The following VPS50 variants were observed in gnomAD, a reference collection of about 807,000 sequenced individuals.
VPS50 encodes VPS50 subunit of EARP/GARPII complex.
A neutral mutation model predicts 139.7 loss-of-function variants in VPS50; 70 were observed. The observed-to-expected ratio is 0.50, with a 90% confidence interval of 0.41 to 0.61. VPS50 has a LOEUF of 0.61. VPS50 is among the 20% of genes least tolerant of loss of function. VPS50 has a pLI of 0.00. For missense variants in VPS50, 921 were observed against 1,133.7 expected (o/e 0.81, Z 2.69); for synonymous variants, 365 against 376.7 (o/e 0.97, Z 0.36).
chr7:93,320,204 A>C (rs1462243190), intron 20 of VPS50, among the ~76,000 whole-genome samples: 2 of 152,140 alleles, frequency 1.3e-5, no homozygotes, highest in Admixed American at 6.5e-5. Flanking sequence ...AATATAGGAA[A>C]GGGCTTGGGT....
At position 93,326,972 on chromosome 7, in the gene VPS50, A is replaced by G. The variant is rs1362580480; in HGVS notation, c.1977+3240A>G. Among the ~76,000 whole-genome samples, 5 of 152,290 alleles carry G rather than the reference A, an allele frequency of 3.3e-5. No homozygotes were observed. The East Asian group carries it at 7.7e-4, about 23-fold the overall frequency. ...ATATGACCAGTGACAAAATGTTGCT[A>G]CAGAATTTATATACTATAAAGTATG... On this transcript the variant is annotated intron_variant, in intron 21 of 27. Transcript: ENST00000305866.
intron 12 of VPS50, among the ~76,000 whole-genome samples, chr7:93,286,586 T>C (rs1464295644): frequency 6.6e-6 from 1 of 152,122 alleles, no homozygotes; most frequent in African/African-American, 2.4e-5. Flanking sequence ...TTAATTTAGG[T>C]CTCTTTCCAT....
chr7:93,305,381 T>A (rs1797085746), intron 17 of VPS50, among the ~76,000 whole-genome samples: 1 of 151,996 alleles, frequency 6.6e-6, no homozygotes, highest in Admixed American at 6.6e-5. Context: ...AGATATGTAC[T>A]TCATACTTTA....
intron 22 of VPS50, among the ~76,000 whole-genome samples, chr7:93,335,170 G>T (rs909360883): frequency 7.9e-5 from 12 of 152,132 alleles, no homozygotes. Context: ...TTGGAGCAGA[G>T]AGACAAACAA....
At chr7:93,236,005 T>C (rs1379731974) in intron 1 of VPS50, among the ~76,000 whole-genome samples, 2 of 152,198 alleles carry the variant, frequency 1.3e-5, no homozygotes, top group African/African-American at 4.8e-5. Flanking sequence ...AATGAGAACA[T>C]GCAGCTTGTG....
intron 23 of VPS50, among the ~76,000 whole-genome samples, chr7:93,346,224 A>G (rs1172605326): frequency 6.6e-6 from 1 of 152,232 alleles, no homozygotes; most frequent in African/African-American, 2.4e-5. Flanking sequence ...CCCATTCACA[A>G]TTGCTTCAAA....
intron 25 of VPS50, among the ~76,000 whole-genome samples, chr7:93,352,245 CATAA>C (rs537014421): frequency 5.4e-4 from 82 of 152,152 alleles, no homozygotes; most frequent in African/African-American, 1.9e-3. Context: ...TTAAGGAATG[CATAA>C]ATAAATACAG....
In VPS50 at chr7:93,325,714, C is replaced by T. The variant is rs1488593370; in HGVS notation, c.1977+1982C>T. 1.2e-4 allele frequency among the ~76,000 whole-genome samples: 18 copies of T among 152,006 alleles called. No homozygotes were observed. The East Asian group carries it at 3.3e-3, about 28-fold the overall frequency. On this transcript the variant is annotated intron_variant, in intron 21 of 27. Transcript: ENST00000305866. ...TGAAAAAATGCTCACCATCACTGGA[C>T]ATCAGAGAAATGCAAATCAAAACCA... is the stretch of plus-strand genomic sequence containing the variant.
At chr7:93,318,088 A>G (rs962475098) in intron 20 of VPS50, among the ~76,000 whole-genome samples, 4 of 150,926 alleles carry the variant, frequency 2.7e-5, no homozygotes, top group Non-Finnish European at 5.9e-5. Flanking sequence ...TATATAATAC[A>G]TACTATATGT....
intron 17 of VPS50, among the ~76,000 whole-genome samples, chr7:93,304,073 A>G (rs938408855): frequency 2.0e-5 from 3 of 151,880 alleles, no homozygotes; most frequent in Non-Finnish European, 4.4e-5. Context: ...TAGTTAATCA[A>G]TTCCTGGAAT....
rs755562223 is a variant in VPS50 at position 93,296,773 on chromosome 7, T to C, written c.1199T>C (p.Leu400Pro). ...DVQLKVKTYL[L>P]GTDLSIFKYD... ...CAGCTAAAAGTAAAAACCTACTTGC[T>C]TGGAACTGATTTGTCTATATTCAAA... Residue 400 changes from leucine to proline, a missense_variant, in exon 15 of 28, where the codon CTT becomes CCT. Leu to Pro is a moderately conservative substitution (Grantham distance 98, BLOSUM62 -3). Coordinates refer to ENST00000305866, the MANE Select transcript of VPS50 (RefSeq NM_017667.4). The C allele has an allele frequency of 6.2e-7, 1 of 1,605,642 alleles. No homozygotes were observed. The highest frequency in any genetic ancestry group is 8.5e-7 in the Non-Finnish European group (1 of 1,178,400).
In VPS50 at chr7:93,258,200, T is replaced by G. The variant is rs755382830; in HGVS notation, c.464T>G (p.Leu155Ter). 6.3e-7 allele frequency: 1 copy of G among 1,594,208 alleles called. No homozygotes were observed. Among genetic ancestry groups the G allele is most frequent in the South Asian group, 1.1e-5 (1 of 90,610 alleles). ...AAGGAAGGTTTTACTCAAGCTAGTTTAGGCCTTCTTGCAAATCAAAGGAAA... is the reference window on the plus strand; with the variant it reads ...AAGGAAGGTTTTACTCAAGCTAGTTGAGGCCTTCTTGCAAATCAAAGGAAA... ...IAKEGFTQASLGLLANQRKRQ... is the reference protein window; with the variant it reads ...IAKEGFTQAS The change falls in exon 7 of 28, where the codon TTA becomes TGA. Residue 155 changes from leucine to a stop codon, truncating the protein, a stop_gained. Transcript: ENST00000305866. LOFTEE classifies it high-confidence loss of function.
At chr7:93,314,972 C>A (rs1297023809) in intron 20 of VPS50, among the ~76,000 whole-genome samples, 1 of 152,102 alleles carries the variant, frequency 6.6e-6, no homozygotes, top group African/African-American at 2.4e-5. Context: ...AATTAAAATA[C>A]CCCAAGGTAT....
chr7:93,269,767 C>CT (rs3839836), intron 9 of VPS50, among the ~76,000 whole-genome samples: 23,212 of 152,004 alleles, frequency 0.15, 2,916 homozygotes, highest in East Asian at 0.4. Flanking sequence ...AAAATTTTCT[C>CT]TCAGAACTTA....
chr7:93,283,382 C>G (rs1200678173), intron 12 of VPS50, among the ~76,000 whole-genome samples: 1 of 151,822 alleles, frequency 6.6e-6, no homozygotes, highest in Non-Finnish European at 1.5e-5. Context: ...GATTACAGCT[C>G]CCACCACCAC....
intron 22 of VPS50, among the ~76,000 whole-genome samples, chr7:93,334,872 G>A (rs192213346): frequency 1.3e-5 from 2 of 152,234 alleles, no homozygotes; most frequent in Admixed American, 6.5e-5. Flanking sequence ...CACTGTAGCC[G>A]GAAATTTATG....
chr7:93,243,954 A>G (rs1469145856), intron 2 of VPS50, among the ~76,000 whole-genome samples: 1 of 151,872 alleles, frequency 6.6e-6, no homozygotes, highest in Admixed American at 6.6e-5. Context: ...TTAGTGAAGC[A>G]TTGCCTCCTC....
At chr7:93,282,637 A>G (rs1796363058) in intron 12 of VPS50, among the ~76,000 whole-genome samples, 1 of 152,242 alleles carries the variant, frequency 6.6e-6, no homozygotes, top group Admixed American at 6.5e-5. Flanking sequence ...TAGCATATCA[A>G]AAATAATTTG....
At chr7:93,280,931 ATATAT>A (rs1467519816) in intron 12 of VPS50, among the ~76,000 whole-genome samples, 1 of 152,130 alleles carries the variant, frequency 6.6e-6, no homozygotes, top group African/African-American at 2.4e-5. Context: ...ATACACACTC[ATATAT>A]TATTTGGGGG....
Sources: gnomAD v4.1 joint callset for allele counts (sites outside exome capture counted in the v4.1 genomes callset) on GRCh38, gnomAD v4.1.1 for gene constraint, MANE v1.5 for transcripts, NCBI Gene and HGNC (gene_info 2026-07-23, HGNC 2026-07-21) for gene names.